KDM4C: variants seen among roughly 807,000 people sequenced by gnomAD.
KDM4C encodes the protein lysine demethylase 4C.
Under a neutral mutation model 129.3 loss-of-function variants are expected in KDM4C, and 81 were observed. The ratio of observed to expected loss-of-function variants is 0.63; its 90% CI spans 0.52 to 0.75. The LOEUF (loss-of-function observed/expected upper bound fraction) is 0.75. Ranked by LOEUF, KDM4C falls within the 30% of genes least tolerant of loss-of-function variation. The pLI, the probability that KDM4C is intolerant of heterozygous loss-of-function variation, is 0.00. For synonymous variants in KDM4C, 573 were observed against 456.1 expected, an observed-to-expected ratio of 1.26 and a Z score of -3.26; for missense variants, 1,457 against 1,304.0, an observed-to-expected ratio of 1.12 and a Z score of -1.81.
chr9:7,164,047 C>A (rs1418779981), intron 19 of KDM4C, among the ~76,000 whole-genome samples: 1 of 152,126 alleles, frequency 6.6e-6, no homozygotes, highest in African/African-American at 2.4e-5. Flanking sequence ...CAATCATAAA[C>A]AACTAAATAC....
At chr9:6,943,233 A>G (rs1826277855) in intron 8 of KDM4C, among the ~76,000 whole-genome samples, 1 of 152,128 alleles carries the variant, frequency 6.6e-6, no homozygotes, top group South Asian at 2.1e-4. Context: ...TTCAAGTTGG[A>G]AACAATTGAA....
intron 4 of KDM4C, among the ~76,000 whole-genome samples, chr9:6,840,829 A>G (rs1019973070): frequency 6.6e-6 from 1 of 152,114 alleles, no homozygotes; most frequent in African/African-American, 2.4e-5. Context: ...TTTCTTTCCA[A>G]TTCTATGTGA....
chr9:7,019,759 AAAAATATAATAT>A (rs1824413589), intron 15 of KDM4C, among the ~76,000 whole-genome samples: 1 of 124,634 alleles, frequency 8.0e-6, no homozygotes, highest in African/African-American at 3.4e-5. Flanking sequence ...TTTTATATAT[AAAAATATAATAT>A]TTTTATATAT....
At chr9:6,802,391 G>C (rs998837140) in intron 2 of KDM4C, among the ~76,000 whole-genome samples, 3 of 152,146 alleles carry the variant, frequency 2.0e-5, no homozygotes, top group Admixed American at 6.5e-5. Flanking sequence ...TCAGTAATTT[G>C]ACTCTTAGAA....
At chr9:6,870,818 CG>C (rs199855106) in intron 5 of KDM4C, among the ~76,000 whole-genome samples, 29,394 of 151,934 alleles carry the variant, frequency 0.19, 3,482 homozygotes, top group Middle Eastern at 0.36. Context: ...CTACTTCACA[CG>C]GCCTTAGTTA....
At chr9:7,033,898 CTT>C (rs1215200956) in intron 15 of KDM4C, among the ~76,000 whole-genome samples, 1 of 152,102 alleles carries the variant, frequency 6.6e-6, no homozygotes, top group African/African-American at 2.4e-5. Context: ...AGGCACATCT[CTT>C]TTGCAATGAG....
intron 1 of KDM4C, among the ~76,000 whole-genome samples, chr9:6,746,980 G>C (rs923142241): frequency 4.5e-5 from 6 of 132,242 alleles, no homozygotes; most frequent in East Asian, 2.2e-4. Flanking sequence ...CTCCAGCCTG[G>C]GCCACAGAGC....
chr9:7,170,854 A>G (rs1157005947), intron 21 of KDM4C: 2 of 720,846 alleles, frequency 2.8e-6, no homozygotes, highest in East Asian at 1.3e-4. Context: ...CCTGGGCCAT[A>G]CTTGAAGAAG....
At chr9:6,801,288 C>G (rs971470890) in intron 2 of KDM4C, among the ~76,000 whole-genome samples, 2 of 125,560 alleles carry the variant, frequency 1.6e-5, no homozygotes, top group Admixed American at 9.7e-5. Flanking sequence ...GAGTCTCGCT[C>G]TGTCCCCAGG....
chr9:7,170,901 A>G (rs1367648388), intron 21 of KDM4C: 1 of 226,006 alleles, frequency 4.4e-6, no homozygotes, highest in Non-Finnish European at 7.2e-6. Context: ...CTACACTAAC[A>G]ATAGCTGATG....
At chr9:7,157,824 G>T (rs572219635) in intron 19 of KDM4C, among the ~76,000 whole-genome samples, 2 of 151,960 alleles carry the variant, frequency 1.3e-5, no homozygotes, top group Admixed American at 1.3e-4. Context: ...TCTTTTTTTT[G>T]TTGTGTCTCT....
chr9:7,093,492 G>T (rs900189002), intron 17 of KDM4C, among the ~76,000 whole-genome samples: 1 of 152,062 alleles, frequency 6.6e-6, no homozygotes, highest in African/African-American at 2.4e-5. Context: ...TGTGTGCGTG[G>T]TTATTGTTAC....
chr9:6,958,535 C>T (rs1304783759), intron 8 of KDM4C, among the ~76,000 whole-genome samples: 2 of 151,358 alleles, frequency 1.3e-5, no homozygotes, highest in African/African-American at 2.4e-5. Flanking sequence ...TGTGGTGAGC[C>T]GAGATCGCGC....
At position 7,174,774 on chromosome 9, in the gene KDM4C, AG is replaced by A; in HGVS notation, c.*46del. The A allele has an allele frequency of 6.5e-7, 1 of 1,540,394 alleles. No homozygotes were observed. The highest frequency in any genetic ancestry group is 8.9e-7 in the Non-Finnish European group (1 of 1,118,344). ...GCCACAGAGCAGCTTGGGTTGGAAG[AG>A]AGAAGATGAAGGGACATCCTTGGGG... On this transcript the variant is annotated 3_prime_UTR_variant, in exon 22 of 22. Transcript: ENST00000381309.
At chr9:6,871,990 A>T (rs756726144) in intron 5 of KDM4C, among the ~76,000 whole-genome samples, 1 of 152,198 alleles carries the variant, frequency 6.6e-6, no homozygotes, top group African/African-American at 2.4e-5. Flanking sequence ...ATGGTCAAAG[A>T]AGGCTTCAAA....
chr9:6,805,544 T>G (rs1829810241), intron 2 of KDM4C, 55 bp from the exon 3 acceptor site: 2 of 1,274,402 alleles, frequency 1.6e-6, no homozygotes, highest in Non-Finnish European at 2.1e-6. Context: ...ACTTAAAAGC[T>G]AAATTACTTG....
chr9:7,164,689 G>C (rs1177176863), intron 19 of KDM4C, among the ~76,000 whole-genome samples: 2 of 152,120 alleles, frequency 1.3e-5, no homozygotes, highest in Admixed American at 6.5e-5. Context: ...TTTGTCCCCT[G>C]CTCCACTTCC....
chr9:6,932,712 C>T (rs114548873), intron 8 of KDM4C, among the ~76,000 whole-genome samples: 1 of 152,178 alleles, frequency 6.6e-6, no homozygotes, highest in Admixed American at 6.5e-5. Context: ...GTTCTGACCC[C>T]TGGGATGATT....
chr9:7,038,053 T>C (rs1827952763), intron 15 of KDM4C, among the ~76,000 whole-genome samples: 1 of 152,100 alleles, frequency 6.6e-6, no homozygotes, highest in South Asian at 2.1e-4. Context: ...GTAGGTTAGA[T>C]TGGAAAGAAG....
Sources: allele counts gnomAD v4.1 joint callset (sites outside exome capture counted in the v4.1 genomes callset), GRCh38; gene constraint gnomAD v4.1.1; transcripts MANE v1.5; gene names NCBI Gene and HGNC (gene_info 2026-07-23, HGNC 2026-07-21).